Variants in PCDH7 observed in about 807,000 individuals in gnomAD.
PCDH7 encodes protocadherin-7.
Under a neutral mutation model 58.9 loss-of-function variants are expected in PCDH7, and 17 were observed. The ratio of observed to expected loss-of-function variants is 0.29; its 90% CI spans 0.20 to 0.43. The LOEUF is 0.43. Among genes scored for constraint, PCDH7 ranks in the 20% least tolerant of loss-of-function variants. PCDH7 has a pLI of 1.00. For synonymous variants in PCDH7, 664 were observed against 616.4 expected (o/e 1.08, Z -1.14); for missense variants, 1,274 against 1,441.0 (o/e 0.88, Z 1.88).
intron 1 of PCDH7, among the ~76,000 whole-genome samples, chr4:30,887,140 A>T (rs184210053): frequency 2.7e-3 from 410 of 152,278 alleles, no homozygotes; most frequent in African/African-American, 8.6e-3. Context: ...ATAATAATAA[A>T]AAAAAGCTAT....
chr4:30,803,528 C>G (rs945582986), intron 1 of PCDH7, among the ~76,000 whole-genome samples: 1 of 152,110 alleles, frequency 6.6e-6, no homozygotes, highest in Non-Finnish European at 1.5e-5. Context: ...ACCTCAAACT[C>G]CGGCGCTCAA....
chr4:31,047,573 A>C (rs760223765), intron 3 of PCDH7, among the ~76,000 whole-genome samples: 2 of 152,206 alleles, frequency 1.3e-5, no homozygotes, highest in South Asian at 2.1e-4. Flanking sequence ...ACTCATTTGT[A>C]TCTTAAGAGA....
At chr4:31,000,441 A>G (rs985365303) in intron 3 of PCDH7, among the ~76,000 whole-genome samples, 1 of 152,146 alleles carries the variant, frequency 6.6e-6, no homozygotes, top group African/African-American at 2.4e-5. Flanking sequence ...TGAGTTTTGA[A>G]TAGATTGCTA....
At chr4:31,078,369 A>G (rs1276546928) in intron 3 of PCDH7, among the ~76,000 whole-genome samples, 1 of 152,074 alleles carries the variant, frequency 6.6e-6, no homozygotes, top group Admixed American at 6.6e-5. Context: ...TGTAACCTCA[A>G]ACTTCTGGGC....
chr4:31,017,870 A>G (rs1025783609), intron 3 of PCDH7, among the ~76,000 whole-genome samples: 1 of 152,188 alleles, frequency 6.6e-6, no homozygotes, highest in Non-Finnish European at 1.5e-5. Flanking sequence ...TTCAAGTGGC[A>G]TTACTAATAC....
intron 2 of PCDH7, among the ~76,000 whole-genome samples, chr4:30,936,261 T>C (rs1745326186): frequency 6.6e-6 from 1 of 151,972 alleles, no homozygotes; most frequent in African/African-American, 2.4e-5. Context: ...ATTTTACAGA[T>C]GATGAAGGTG....
intron 3 of PCDH7, among the ~76,000 whole-genome samples, chr4:31,023,337 G>A (rs976929220): frequency 2.6e-5 from 4 of 152,134 alleles, no homozygotes; most frequent in Non-Finnish European, 5.9e-5. Flanking sequence ...GCTCCTGCGT[G>A]TATTTTATAT....
intron 3 of PCDH7, among the ~76,000 whole-genome samples, chr4:31,094,651 G>A (rs1256857147): frequency 7.4e-6 from 1 of 135,394 alleles, no homozygotes; most frequent in Non-Finnish European, 1.5e-5. Context: ...AGAGGCAAAT[G>A]GAACTGGGGA....
At chr4:30,935,174 T>C (rs1214737699) in intron 2 of PCDH7, 2 of 160,480 alleles carry the variant, frequency 1.2e-5, no homozygotes, top group African/African-American at 2.4e-5. Flanking sequence ...TTCTGAAGTA[T>C]TACTTTACTA....
intron 1 of PCDH7, among the ~76,000 whole-genome samples, chr4:30,871,100 T>G (rs774574708): frequency 7.2e-5 from 11 of 152,062 alleles, no homozygotes; most frequent in Non-Finnish European, 1.6e-4. Context: ...TTTTTAAAAA[T>G]TTCATAGAGG....
intron 1 of PCDH7, chr4:30,868,999 T>C (rs1735214054): frequency 6.6e-6 from 1 of 152,084 alleles, no homozygotes; most frequent in Non-Finnish European, 1.5e-5. Flanking sequence ...ACCAAAAATG[T>C]TATCAAGCAT....
chr4:31,058,137 C>T (rs1403322678), intron 3 of PCDH7, among the ~76,000 whole-genome samples: 2 of 151,766 alleles, frequency 1.3e-5, no homozygotes, highest in Non-Finnish European at 2.9e-5. Flanking sequence ...TCTGACACAA[C>T]CAAAAAAATT....
intron 3 of PCDH7, among the ~76,000 whole-genome samples, chr4:31,125,085 C>A (rs546745242): frequency 1.3e-5 from 2 of 152,160 alleles, no homozygotes; most frequent in African/African-American, 4.8e-5. Context: ...TTTTTTTTAG[C>A]TGAATATGGC....
At chr4:30,925,200 A>C (rs944427179) in intron 2 of PCDH7, among the ~76,000 whole-genome samples, 1 of 152,186 alleles carries the variant, frequency 6.6e-6, no homozygotes, top group South Asian at 2.1e-4. Flanking sequence ...TGGACTTTTC[A>C]TATTGCTTTT....
intron 1 of PCDH7, chr4:30,783,272 G>T (rs970935631): frequency 5.3e-5 from 8 of 151,970 alleles, no homozygotes; most frequent in Non-Finnish European, 1.0e-4. Context: ...CCTCTATTAT[G>T]CATTTATGCT....
chr4:31,118,058 T>C lies in PCDH7; in HGVS notation c.*8-24415T>C, dbSNP rs535044931. Reference sequence around the variant, plus strand: ...TTCCTAGATTCTCCCACCTTGAAGATAGGATTCACATTTAAATTGTGTTTC... The same window carrying C: ...TTCCTAGATTCTCCCACCTTGAAGACAGGATTCACATTTAAATTGTGTTTC... On this transcript the variant is annotated intron_variant, in intron 3 of 3. Transcript: ENST00000509759. Among the ~76,000 whole-genome samples the C allele has an allele frequency of 3.9e-5, 6 of 152,356 alleles. No individual in the cohort carries two copies. In the South Asian group the frequency reaches 1.0e-3, roughly 26 times the overall value.
At chr4:30,951,382 G>A (rs1747352060) in intron 3 of PCDH7, among the ~76,000 whole-genome samples, 1 of 152,088 alleles carries the variant, frequency 6.6e-6, no homozygotes, top group Non-Finnish European at 1.5e-5. Flanking sequence ...AGAAATGTAT[G>A]GCTTTCTATT....
chr4:30,998,310 A>G (rs1239078299), intron 3 of PCDH7, among the ~76,000 whole-genome samples: 2 of 152,166 alleles, frequency 1.3e-5, no homozygotes, highest in Non-Finnish European at 2.9e-5. Context: ...GAAGAGATTC[A>G]TGAGTTATTC....
At chr4:31,038,019 G>A (rs916656079) in intron 3 of PCDH7, among the ~76,000 whole-genome samples, 1 of 152,256 alleles carries the variant, frequency 6.6e-6, no homozygotes, top group African/African-American at 2.4e-5. Context: ...AATAAGGTTT[G>A]GCAGCAGATG....
Sources: gnomAD v4.1 joint callset for allele counts (sites outside exome capture counted in the v4.1 genomes callset) on GRCh38, gnomAD v4.1.1 for gene constraint, MANE v1.5 for transcripts, NCBI Gene and HGNC (gene_info 2026-07-23, HGNC 2026-07-21) for gene names.